Variants in ITFG1 observed in about 807,000 individuals in gnomAD.
The protein encoded by ITFG1 is integrin alpha FG-GAP repeat containing 1.
ITFG1 carries 34 observed loss-of-function variants against 81.8 expected under a neutral mutation model. That is an observed-to-expected ratio of 0.42 (90% CI 0.32 to 0.55). The LOEUF (loss-of-function observed/expected upper bound fraction) is 0.55, where lower values mean the gene tolerates loss of function less well. ITFG1 is among the 20% of genes least tolerant of loss of function. The pLI is 0.17. For synonymous variants in ITFG1, 285 were observed against 270.6 expected (o/e 1.05, Z -0.52); for missense variants, 672 against 755.4 (o/e 0.89, Z 1.29).
chr16:47,195,807 G>C (rs1478527843), intron 14 of ITFG1, among the ~76,000 whole-genome samples: 1 of 152,030 alleles, frequency 6.6e-6, no homozygotes, highest in Non-Finnish European at 1.5e-5. Context: ...TGTTACATAG[G>C]TATACGTGTG....
chr16:47,398,939 TC>T (rs1968625241), intron 6 of ITFG1, among the ~76,000 whole-genome samples: 1 of 152,150 alleles, frequency 6.6e-6, no homozygotes. Context: ...GCTAGATAAA[TC>T]CTACAATGGG....
chr16:47,214,870 T>G (rs1965605881), intron 14 of ITFG1, among the ~76,000 whole-genome samples: 1 of 151,808 alleles, frequency 6.6e-6, no homozygotes, highest in Non-Finnish European at 1.5e-5. Flanking sequence ...CAAACTTTTC[T>G]GATCACAGCC....
chr16:47,349,417 C>T (rs1320305623), intron 8 of ITFG1, among the ~76,000 whole-genome samples: 1 of 152,132 alleles, frequency 6.6e-6, no homozygotes, highest in Non-Finnish European at 1.5e-5. Context: ...ATCCTAGTCT[C>T]TGATAAAACA....
rs532292634 is a variant in ITFG1 at position 47,352,246 on chromosome 16, G to T, written c.802+13542C>A. On this transcript the variant is annotated intron_variant, in intron 8 of 17. Transcript: ENST00000320640. ...ACTAAAGAGCTTCTGCACAGCAAAAGAAACCACCATCAGAGTGAACAGGCA... is the reference window on the plus strand; with the variant it reads ...ACTAAAGAGCTTCTGCACAGCAAAATAAACCACCATCAGAGTGAACAGGCA... 8.5e-5 allele frequency among the ~76,000 whole-genome samples: 13 copies of T among 152,308 alleles called. 1 individual carries two copies. In the South Asian group the frequency reaches 2.7e-3, roughly 32 times the overall value.
At chr16:47,452,208 T>C (rs1183793780) in intron 4 of ITFG1, among the ~76,000 whole-genome samples, 2 of 152,156 alleles carry the variant, frequency 1.3e-5, no homozygotes, top group Admixed American at 1.3e-4. Flanking sequence ...TGGCCAAACT[T>C]TGCTCTAGTC....
chr16:47,365,618 T>C, intron 8 of ITFG1, 170 bp downstream of exon 8: 1 of 466,268 alleles, frequency 2.1e-6, no homozygotes, highest in East Asian at 3.0e-5. Flanking sequence ...CATTAAGGAA[T>C]TGACATGTCA....
At chr16:47,428,354 T>C (rs1473078780) in intron 6 of ITFG1, among the ~76,000 whole-genome samples, 1 of 152,210 alleles carries the variant, frequency 6.6e-6, no homozygotes, top group Non-Finnish European at 1.5e-5. Context: ...AGGTGACGGT[T>C]AAATGTGCAT....
At chr16:47,269,197 T>C (rs1966309894) in intron 10 of ITFG1, among the ~76,000 whole-genome samples, 1 of 152,106 alleles carries the variant, frequency 6.6e-6, no homozygotes, top group African/African-American at 2.4e-5. Flanking sequence ...GACATCCGGA[T>C]TGGAAAGAAA....
intron 1 of ITFG1, 24 bp downstream of exon 1, chr16:47,460,814 A>AG (rs1969525673): frequency 6.2e-7 from 1 of 1,610,460 alleles, no homozygotes; most frequent in African/African-American, 1.3e-5. Flanking sequence ...CAGCGAACAG[A>AG]GGGAGGGCCC....
intron 14 of ITFG1, among the ~76,000 whole-genome samples, chr16:47,177,266 G>A (rs565867022): frequency 1.3e-5 from 2 of 152,092 alleles, no homozygotes; most frequent in Non-Finnish European, 2.9e-5. Context: ...CACATCACCA[G>A]GCTGATATAT....
intron 16 of ITFG1, 32 bp from the exon 17 acceptor site, chr16:47,159,022 C>G: frequency 1.7e-6 from 2 of 1,164,474 alleles, no homozygotes; most frequent in Non-Finnish European, 2.4e-6. Context: ...ATTAAAATTA[C>G]AAATTTTATT....
chr16:47,414,131 T>C (rs1163390116), intron 6 of ITFG1, among the ~76,000 whole-genome samples: 1 of 152,074 alleles, frequency 6.6e-6, no homozygotes, highest in Non-Finnish European at 1.5e-5. Flanking sequence ...GAGATGTACT[T>C]ATAAAAAGGT....
chr16:47,208,239 T>G (rs1009486665), intron 14 of ITFG1, among the ~76,000 whole-genome samples: 1 of 152,216 alleles, frequency 6.6e-6, no homozygotes, highest in African/African-American at 2.4e-5. Flanking sequence ...ATACTAGCTG[T>G]GTGACTCTGG....
At chr16:47,291,282 A>C (rs1567447555) in intron 10 of ITFG1, among the ~76,000 whole-genome samples, 1 of 152,096 alleles carries the variant, frequency 6.6e-6, no homozygotes, top group African/African-American at 2.4e-5. Context: ...GAAATCTGTT[A>C]TTCTAATTGG....
chr16:47,203,978 T>A (rs2151521677), intron 14 of ITFG1, among the ~76,000 whole-genome samples: 1 of 152,354 alleles, frequency 6.6e-6, no homozygotes, highest in South Asian at 2.1e-4. Context: ...ACAGTGTGAA[T>A]ACACTTAGTA....
At chr16:47,197,946 T>G (rs1438235841) in intron 14 of ITFG1, among the ~76,000 whole-genome samples, 5 of 152,230 alleles carry the variant, frequency 3.3e-5, no homozygotes, top group Admixed American at 1.3e-4. Flanking sequence ...GATTTTGTAT[T>G]TCAAATTAGG....
chr16:47,301,174 C>G (rs577434862), intron 10 of ITFG1, among the ~76,000 whole-genome samples: 116 of 152,128 alleles, frequency 7.6e-4, no homozygotes, highest in Middle Eastern at 3.4e-3. Context: ...AAACAAGCAC[C>G]ATTAGGCAAT....
intron 10 of ITFG1, among the ~76,000 whole-genome samples, chr16:47,281,761 C>T (rs1163137121): frequency 6.6e-6 from 1 of 151,834 alleles, no homozygotes; most frequent in Non-Finnish European, 1.5e-5. Flanking sequence ...ACTAACAATC[C>T]TCTCTTTTTT....
At chr16:47,179,273 C>T (rs916027867) in intron 14 of ITFG1, among the ~76,000 whole-genome samples, 1 of 152,204 alleles carries the variant, frequency 6.6e-6, no homozygotes, top group African/African-American at 2.4e-5. Flanking sequence ...AAGACACATG[C>T]GCACATATGT....
Sources: allele counts gnomAD v4.1 joint callset (sites outside exome capture counted in the v4.1 genomes callset), GRCh38; gene constraint gnomAD v4.1.1; transcripts MANE v1.5; gene names NCBI Gene and HGNC (gene_info 2026-07-23, HGNC 2026-07-21).